The following SMC4 variants were observed in gnomAD, a reference collection of about 807,000 sequenced individuals.
The protein encoded by SMC4 is structural maintenance of chromosomes 4.
In SMC4, 87 loss-of-function variants were observed where a neutral mutation model predicts 145.6. The ratio of observed to expected loss-of-function variants is 0.60; its 90% CI spans 0.50 to 0.71. The LOEUF (loss-of-function observed/expected upper bound fraction) is 0.71, where lower values mean the gene tolerates loss of function less well. SMC4 is among the 30% of genes least tolerant of loss of function. SMC4 has a pLI of 0.00. For missense variants in SMC4, 1,447 were observed against 1,537.1 expected, an observed-to-expected ratio of 0.94 and a Z score of 0.98; for synonymous variants, 558 against 500.7, an observed-to-expected ratio of 1.11 and a Z score of -1.53.
In SMC4 at chr3:160,428,900, C is replaced by G; in HGVS notation, c.2753C>G (p.Ser918Cys). The change falls in exon 18 of 24, where the codon TCT (serine) becomes TGT (cysteine). Residue 918 changes from serine (S) to cysteine (C), a missense_variant. By Grantham distance (112) the Ser-to-Cys change is moderately radical (BLOSUM62 -1). Transcript: ENST00000357388. ...AATAAGCAATTAGATGAATGTGCTT[C>G]TGCTATTACTAAAGCCCAAGTAGCA... ...KINKQLDECA[S>C]AITKAQVAIK... 1 of 1,597,864 alleles carries G rather than the reference C, an allele frequency of 6.3e-7. No homozygotes were observed. Among genetic ancestry groups the G allele is most frequent in the South Asian group, 1.1e-5 (1 of 87,284 alleles).
At position 160,407,500 on chromosome 3, in the gene SMC4, C is replaced by G. The variant is rs62272236; in HGVS notation, c.687+2996C>G. Among the ~76,000 whole-genome samples, 5 of 152,112 alleles carry G rather than the reference C, an allele frequency of 3.3e-5. No homozygotes were observed. In the East Asian group the frequency reaches 9.7e-4, roughly 29 times the overall value. On this transcript the variant is annotated intron_variant, in intron 5 of 23. Coordinates refer to ENST00000357388, the MANE Select transcript of SMC4 (RefSeq NM_001002800.3). Reference sequence around the variant, plus strand: ...CCCAGGAGGCAGAGGTTGCAGTGAGCCAACATCGTACCACTGCACTCCAGC... The same window carrying G: ...CCCAGGAGGCAGAGGTTGCAGTGAGGCAACATCGTACCACTGCACTCCAGC...
At chr3:160,408,286 A>C (rs141882458) in intron 5 of SMC4, among the ~76,000 whole-genome samples, 1 of 152,340 alleles carries the variant, frequency 6.6e-6, no homozygotes, top group East Asian at 1.9e-4. Context: ...GAATAAGGAT[A>C]AAGGGCATCA....
chr3:160,408,986 G>A (rs1715652264), intron 5 of SMC4, among the ~76,000 whole-genome samples: 1 of 151,950 alleles, frequency 6.6e-6, no homozygotes, highest in Non-Finnish European at 1.5e-5. Context: ...AAAGCAATAC[G>A]GTATAATAAT....
At chr3:160,431,301 T>C (rs918188120) in intron 20 of SMC4, 96 bp downstream of exon 20, 33 of 1,029,878 alleles carry the variant, frequency 3.2e-5, no homozygotes, top group Non-Finnish European at 4.4e-5. Context: ...GTTCTTAAAT[T>C]TTGTTTGTGA....
intron 5 of SMC4, among the ~76,000 whole-genome samples, chr3:160,405,716 A>T (rs1715253957): frequency 6.6e-6 from 1 of 152,068 alleles, no homozygotes; most frequent in Non-Finnish European, 1.5e-5. Context: ...TTAATTGCAG[A>T]TATATTTCTA....
chr3:160,422,571 G>A (rs536849800), intron 13 of SMC4, among the ~76,000 whole-genome samples: 10 of 152,084 alleles, frequency 6.6e-5, no homozygotes, highest in Non-Finnish European at 1.3e-4. Context: ...TCTCTATTCT[G>A]AATACAAGTC....
intron 22 of SMC4, chr3:160,432,741 C>T: frequency 1.9e-6 from 1 of 522,788 alleles, no homozygotes. Context: ...ATTTTCAAGG[C>T]ATTTTTAACA....
chr3:160,431,229 A>C, intron 20 of SMC4, 24 bp downstream of exon 20: 1 of 1,536,468 alleles, frequency 6.5e-7, no homozygotes, highest in Non-Finnish European at 8.7e-7. Context: ...CGTTTAGTTT[A>C]ATTTTAAACA....
intron 5 of SMC4, chr3:160,404,941 T>C (rs1285554843): frequency 3.2e-6 from 1 of 312,238 alleles, no homozygotes; most frequent in Admixed American, 4.8e-5. Context: ...TTATTATCTC[T>C]TCTGATATAT....
rs528619788 is a variant in SMC4, at chr3:160,425,090, A to G, written c.2478+71A>G. ...TGGGATTCAACTGGAATTTATCAGA[A>G]CCATTTTGCTATTTGCTTACAATTT... is the stretch of plus-strand genomic sequence containing the variant. On this transcript the variant is annotated intron_variant, in intron 16 of 23. Transcript: ENST00000357388. The G allele has an allele frequency of 5.4e-6, 8 of 1,481,232 alleles. No homozygotes were observed. The East Asian group carries it at 1.0e-4, about 18-fold the overall frequency. 91.8% of individuals were successfully genotyped at this position (1,481,232 alleles called of 1,614,324 possible).
rs1199445693 is a variant in SMC4 at position 160,432,443 on chromosome 3, T to C, written c.3458T>C (p.Leu1153Pro). ...TNKLKENYQM[L>P]TLGGDAELEL... ...AAATTAAAGGAAAATTACCAAATGCTTACTTTGGGAGGGGACGCCGAACTC... is the reference window on the plus strand; with the variant it reads ...AAATTAAAGGAAAATTACCAAATGCCTACTTTGGGAGGGGACGCCGAACTC... The change falls in exon 22 of 24, where the codon CTT (leucine) becomes CCT (proline). Residue 1153 changes from leucine (L) to proline (P), a missense_variant. Transcript: ENST00000357388. The C allele has an allele frequency of 1.9e-6, 3 of 1,613,290 alleles. No individual in the cohort carries two copies. Among genetic ancestry groups the C allele is most frequent in the Non-Finnish European group, 2.5e-6 (3 of 1,179,568 alleles).
At position 160,431,136 on chromosome 3, in the gene SMC4, G is replaced by T; in HGVS notation, c.3045G>T (p.Lys1015Asn). 6.2e-7 allele frequency: 1 copy of T among 1,605,258 alleles called. No individual in the cohort carries two copies. Among genetic ancestry groups the T allele is most frequent in the South Asian group, 1.1e-5 (1 of 88,562 alleles). The change falls in exon 20 of 24, where the codon AAG (lysine) becomes AAT (asparagine). Residue 1015 changes from lysine (K) to asparagine (N), a missense_variant. Lys to Asn is a moderately conservative substitution (Grantham distance 94). Coordinates refer to ENST00000357388, the MANE Select transcript of SMC4 (RefSeq NM_001002800.3). ...HALQKDALSI[K>N]LKLEQIDGHI... is the part of the protein sequence containing the mutation. ...TTCAAAAAGATGCACTTAGTATTAA[G>T]TTGAAACTTGAACAAATAGATGGTC...
At position 160,433,799 on chromosome 3, in the gene SMC4, G is replaced by A. The variant is rs374393417; in HGVS notation, c.3857G>A (p.Gly1286Glu). 1.2e-6 allele frequency: 2 copies of A among 1,601,220 alleles called. No homozygotes were observed. Among genetic ancestry groups the A allele is most frequent in the African/African-American group, 1.3e-5 (1 of 74,232 alleles). Reference sequence around the variant, plus strand: ...AATCCAAAAGAAATTGCATCTAAGGGACTTTGTTGAACTTTATGCTGAAGA... The same window carrying A: ...AATCCAAAAGAAATTGCATCTAAGGAACTTTGTTGAACTTTATGCTGAAGA... ...AVNPKEIASK[G>E]LC The change falls in exon 24 of 24, where the codon GGA becomes GAA. Residue 1286 changes from glycine to glutamate, a missense_variant. By Grantham distance (98) the Gly-to-Glu change is moderately conservative. Coordinates refer to ENST00000357388, the MANE Select transcript of SMC4 (RefSeq NM_001002800.3).
rs555323339 is a variant in SMC4, at chr3:160,431,449, CATTTAAG to C, written c.3115-192_3115-186del. Reference sequence around the variant, plus strand: ...CCTTTCACCCTAGGGCTGATCTGGACATTTAAGAAAAGATTACATGGACACTTTTGAG... The same window carrying C: ...CCTTTCACCCTAGGGCTGATCTGGACAAAAGATTACATGGACACTTTTGAG... On this transcript the variant is annotated intron_variant, in intron 20 of 23. Transcript: ENST00000357388. Among the ~76,000 whole-genome samples the C allele has an allele frequency of 1.2e-4, 18 of 152,256 alleles. No homozygotes were observed. In the South Asian group the frequency reaches 3.5e-3, roughly 30 times the overall value.
intron 17 of SMC4, 148 bp from the exon 18 acceptor site, chr3:160,428,605 T>G: frequency 4.2e-6 from 2 of 473,514 alleles, no homozygotes; most frequent in Non-Finnish European, 7.1e-6. Flanking sequence ...CAGGATATCG[T>G]TTTTTTTTTT....
Position 160,430,847 on chromosome 3 carries a change from T to TG in SMC4, c.2940+104_2940+105insG. 3.8e-6 allele frequency: 5 copies of TG among 1,325,060 alleles called. No homozygotes were observed. In the South Asian group the frequency reaches 7.7e-5, roughly 20 times the overall value. 82.1% of individuals were successfully genotyped at this position (1,325,060 alleles called of 1,614,324 possible). ...AGAATGTAGTAAGCACTCATAGACT[T>TG]AAAGTTTTATAACTATCAATTTTTA... is the stretch of plus-strand genomic sequence containing the variant. On this transcript the variant is annotated intron_variant, in intron 19 of 23. Coordinates refer to ENST00000357388, the MANE Select transcript of SMC4 (RefSeq NM_001002800.3).
intron 1 of SMC4, 39 bp from the exon 2 acceptor site, chr3:160,400,783 C>T (rs1714505649): frequency 1.4e-6 from 2 of 1,460,394 alleles, no homozygotes; most frequent in Non-Finnish European, 1.8e-6. Context: ...GTGTAGCGGC[C>T]CGCGGGCTGA....
At chr3:160,419,804 T>C (rs1280824004) in intron 12 of SMC4, among the ~76,000 whole-genome samples, 1 of 152,166 alleles carries the variant, frequency 6.6e-6, no homozygotes, top group Non-Finnish European at 1.5e-5. Context: ...TTTATCCTTT[T>C]TTTTAAAAGA....
intron 12 of SMC4, among the ~76,000 whole-genome samples, chr3:160,419,989 A>G (rs975768130): frequency 2.0e-5 from 3 of 152,258 alleles, no homozygotes; most frequent in African/African-American, 7.2e-5. Context: ...GTTTCACACC[A>G]TTTTACTTAG....
Sources: gnomAD v4.1 joint callset for allele counts (sites outside exome capture counted in the v4.1 genomes callset) on GRCh38, gnomAD v4.1.1 for gene constraint, MANE v1.5 for transcripts, NCBI Gene and HGNC (gene_info 2026-07-23, HGNC 2026-07-21) for gene names.